DDR2: variants seen among roughly 807,000 people sequenced by gnomAD.
DDR2 encodes the protein discoidin domain-containing receptor 2.
Under a neutral mutation model 94.9 loss-of-function variants are expected in DDR2, and 27 were observed. The observed-to-expected ratio is 0.28, with a 90% CI of 0.21 to 0.39. The LOEUF is 0.39. Ranked by LOEUF, DDR2 falls within the 10% of genes least tolerant of loss-of-function variation. The probability of loss-of-function intolerance (pLI) is 1.00; values close to 1 mark genes in which losing one functional copy is unlikely to be tolerated. For missense variants in DDR2, 783 were observed against 1,076.0 expected (o/e 0.73, Z 3.81); for synonymous variants, 382 against 377.2 (o/e 1.01, Z -0.15).
chr1:162,748,037 T>G (rs1662973289), intron 3 of DDR2, among the ~76,000 whole-genome samples: 1 of 152,224 alleles, frequency 6.6e-6, no homozygotes, highest in Admixed American at 6.5e-5. Flanking sequence ...TATCAGCCAC[T>G]GCAAAAACAT....
At chr1:162,704,701 C>T (rs1660584464) in intron 2 of DDR2, among the ~76,000 whole-genome samples, 1 of 152,148 alleles carries the variant, frequency 6.6e-6, no homozygotes. Flanking sequence ...GGGTGCCACC[C>T]TCATGACCTA....
intron 3 of DDR2, among the ~76,000 whole-genome samples, chr1:162,744,218 T>G (rs1312697618): frequency 1.3e-5 from 2 of 152,354 alleles, no homozygotes; most frequent in Admixed American, 1.3e-4. Flanking sequence ...ACCGTATCGT[T>G]AAGTATAGGC....
chr1:162,699,717 C>G (rs1219491038), intron 2 of DDR2, among the ~76,000 whole-genome samples: 2 of 100,688 alleles, frequency 2.0e-5, no homozygotes, highest in African/African-American at 3.3e-5. Flanking sequence ...ACTTTTATCT[C>G]CTTTCTGTAA....
chr1:162,698,922 C>T (rs1660308501), intron 2 of DDR2, among the ~76,000 whole-genome samples: 1 of 152,306 alleles, frequency 6.6e-6, no homozygotes, highest in African/African-American at 2.4e-5. Flanking sequence ...GAAGGCAGAT[C>T]AGCATGCCTT....
Position 162,746,590 on chromosome 1 carries a change from C to A in DDR2, c.83-6505C>A, listed in dbSNP as rs536008521. On this transcript the variant is annotated intron_variant, in intron 3 of 17. Coordinates refer to ENST00000367921, the MANE Select transcript of DDR2 (RefSeq NM_006182.4). ...CAGCAGAAACTTCTGCAGACTTAAA[C>A]GTCCCTGTCTGACAGCTTTGAAGAG... Among the ~76,000 whole-genome samples, 19 of 152,330 alleles carry A rather than the reference C, an allele frequency of 1.2e-4. 1 individual carries two copies. Among genetic ancestry groups the A allele is most frequent in the African/African-American group, 4.6e-4 (19 of 41,574 alleles).
In DDR2 at chr1:162,781,307, G is replaced by C. The variant is rs1647893398; in HGVS notation, c.*1061G>C. ...ATAAATACCTAATGGCCTTGTCTAA[G>C]AGGGAATAGATCTGTTCTGAGTGTC... On this transcript the variant is annotated 3_prime_UTR_variant, in exon 18 of 18. Coordinates refer to ENST00000367921, the MANE Select transcript of DDR2 (RefSeq NM_006182.4). The C allele has an allele frequency of 6.6e-6, 1 of 152,224 alleles. No homozygotes were observed. The highest frequency in any genetic ancestry group is 2.4e-5 in the African/African-American group (1 of 41,452). 9.4% of individuals were successfully genotyped at this position (152,224 alleles called of 1,614,324 possible).
intron 2 of DDR2, among the ~76,000 whole-genome samples, chr1:162,705,531 G>C (rs1558037107): frequency 6.6e-6 from 1 of 152,192 alleles, no homozygotes; most frequent in African/African-American, 2.4e-5. Context: ...GGATCAGGGG[G>C]CAACTCTATT....
intron 2 of DDR2, among the ~76,000 whole-genome samples, chr1:162,713,748 TG>T (rs1371789491): frequency 9.1e-5 from 1 of 10,990 alleles, no homozygotes; most frequent in Non-Finnish European, 1.2e-3. Flanking sequence ...ATTATCCTAC[TG>T]GTAGACATTT....
At chr1:162,649,879 G>T (rs751958342) in intron 1 of DDR2, among the ~76,000 whole-genome samples, 9 of 152,318 alleles carry the variant, frequency 5.9e-5, no homozygotes, top group Non-Finnish European at 1.2e-4. Context: ...CTACTAAGAA[G>T]CTGTGAGGCC....
At chr1:162,699,866 G>C (rs115104632) in intron 2 of DDR2, among the ~76,000 whole-genome samples, 7 of 152,206 alleles carry the variant, frequency 4.6e-5, no homozygotes, top group African/African-American at 1.4e-4. Context: ...GAGATTTTTG[G>C]ATTCACAAAT....
At position 162,755,277 on chromosome 1, in the gene DDR2, T is replaced by A; in HGVS notation, c.539T>A (p.Val180Glu). Reference sequence around the variant, plus strand: ...CACTCCATGAATGTGTGTATGAGAGTGGAGCTTTACGGCTGTGTCTGGCTA... The same window carrying A: ...CACTCCATGAATGTGTGTATGAGAGAGGAGCTTTACGGCTGTGTCTGGCTA... ...TDHSMNVCMR[V>E]ELYGCVWLDG... The change falls in exon 6 of 18, where the codon GTG becomes GAG. Residue 180 changes from valine (V) to glutamate (E), a missense_variant. By Grantham distance (121) the Val-to-Glu change is moderately radical. Around this residue, in one of 2 missense-constraint regions of DDR2, gnomAD observed 519 missense variants for 647.9 expected, o/e 0.80. Coordinates refer to ENST00000367921, the MANE Select transcript of DDR2 (RefSeq NM_006182.4). 6.2e-7 allele frequency: 1 copy of A among 1,613,758 alleles called. No homozygotes were observed. The highest frequency in any genetic ancestry group is 8.5e-7 in the Non-Finnish European group (1 of 1,179,984).
intron 17 of DDR2, 112 bp from the exon 18 acceptor site, chr1:162,780,000 A>G: frequency 6.6e-7 from 1 of 1,514,420 alleles, no homozygotes; most frequent in African/African-American, 1.4e-5. Flanking sequence ...AAGTTCAAGA[A>G]AGTGGGCAGG....
intron 3 of DDR2, among the ~76,000 whole-genome samples, chr1:162,749,053 G>T (rs1354258475): frequency 2.0e-5 from 3 of 152,170 alleles, no homozygotes; most frequent in Non-Finnish European, 4.4e-5. Context: ...AGAGAAAGCA[G>T]AAAAGATCTA....
chr1:162,723,626 G>A (rs1278247257), intron 3 of DDR2, among the ~76,000 whole-genome samples: 1 of 152,182 alleles, frequency 6.6e-6, no homozygotes, highest in Non-Finnish European at 1.5e-5. Context: ...GGATTGTTGT[G>A]TATAAAAAAC....
rs1222433462 is a variant in DDR2 at position 162,781,976 on chromosome 1, C to T, written c.*1730C>T. On this transcript the variant is annotated 3_prime_UTR_variant, in exon 18 of 18. Coordinates refer to ENST00000367921, the MANE Select transcript of DDR2 (RefSeq NM_006182.4). ...TTCAGCTTTCAGCATTGCTCCACGC[C>T]ACAGCATAAGCATAGATCCCAAGTC... The T allele has an allele frequency of 6.6e-6, 1 of 152,242 alleles. No individual in the cohort carries two copies. The highest frequency in any genetic ancestry group is 1.5e-5 in the Non-Finnish European group (1 of 68,092). 9.4% of individuals were successfully genotyped at this position (152,242 alleles called of 1,614,324 possible).
In DDR2 at chr1:162,637,001, C is replaced by T. The variant is rs1160987279; in HGVS notation, c.-192+4370C>T. 4.0e-5 allele frequency among the ~76,000 whole-genome samples: 6 copies of T among 151,864 alleles called. No individual in the cohort carries two copies. In the South Asian group the frequency reaches 6.2e-4, roughly 16 times the overall value. ...GAATAGTGGTGATTTAAAAAAAAATCGCAGGTATATTTTTTATCTATTAAA... is the reference window on the plus strand; with the variant it reads ...GAATAGTGGTGATTTAAAAAAAAATTGCAGGTATATTTTTTATCTATTAAA... On this transcript the variant is annotated intron_variant, in intron 1 of 17. Coordinates refer to ENST00000367921, the MANE Select transcript of DDR2 (RefSeq NM_006182.4).
intron 2 of DDR2, among the ~76,000 whole-genome samples, chr1:162,706,118 A>G (rs574533953): frequency 3.9e-4 from 59 of 152,342 alleles, no homozygotes; most frequent in Non-Finnish European, 6.9e-4. Flanking sequence ...CATGGTGAAG[A>G]TAAGAGCATA....
intron 2 of DDR2, among the ~76,000 whole-genome samples, chr1:162,680,357 G>A (rs1571189150): frequency 6.6e-6 from 1 of 152,188 alleles, no homozygotes; most frequent in Non-Finnish European, 1.5e-5. Flanking sequence ...CATATGGCTA[G>A]CCAGCTATCT....
intron 1 of DDR2, among the ~76,000 whole-genome samples, chr1:162,639,483 C>G (rs574658116): frequency 2.4e-4 from 37 of 152,142 alleles, no homozygotes; most frequent in Non-Finnish European, 4.6e-4. Context: ...TTCACAAAAG[C>G]AACTCAAAGT....
Sources: gnomAD v4.1 joint callset for allele counts (sites outside exome capture counted in the v4.1 genomes callset) on GRCh38, gnomAD v4.1.1 for gene constraint, gnomAD v4.1.1 regional missense constraint, MANE v1.5 for transcripts, NCBI Gene and HGNC (gene_info 2026-07-23, HGNC 2026-07-21) for gene names.